Variants in ADCY2 observed in about 807,000 individuals in gnomAD.
ADCY2 encodes the protein adenylate cyclase 2.
In ADCY2, 31 loss-of-function variants were observed where a neutral mutation model predicts 125.2. That is an observed-to-expected ratio of 0.25 (90% confidence interval 0.19 to 0.33). The LOEUF (loss-of-function observed/expected upper bound fraction) is 0.33. Among genes scored for constraint, ADCY2 ranks in the 10% least tolerant of loss-of-function variants. The pLI is 1.00. For synonymous variants in ADCY2, 512 were observed against 548.4 expected (o/e 0.93, Z 0.93); for missense variants, 904 against 1,418.2 (o/e 0.64, Z 5.82).
At chr5:7,754,215 T>C (rs772273563) in intron 15 of ADCY2, among the ~76,000 whole-genome samples, 2 of 152,238 alleles carry the variant, frequency 1.3e-5, no homozygotes, top group Non-Finnish European at 2.9e-5. Context: ...ATGAGCAGAA[T>C]ATAACATATT....
chr5:7,561,232 A>G (rs1182783580), intron 3 of ADCY2, among the ~76,000 whole-genome samples: 1 of 152,162 alleles, frequency 6.6e-6, no homozygotes, highest in African/African-American at 2.4e-5. Flanking sequence ...GAATTGTTTG[A>G]TGGCAGGGAT....
intron 22 of ADCY2, among the ~76,000 whole-genome samples, chr5:7,815,413 C>T (rs1443019164): frequency 4.6e-5 from 7 of 152,166 alleles, no homozygotes; most frequent in Non-Finnish European, 8.8e-5. Context: ...ATTGAAACCC[C>T]GAAGGCCCAG....
chr5:7,580,826 C>T (rs961788664), intron 3 of ADCY2, among the ~76,000 whole-genome samples: 1 of 152,172 alleles, frequency 6.6e-6, no homozygotes. Flanking sequence ...CAAAGATAGC[C>T]AGAGAAAACT....
intron 4 of ADCY2, among the ~76,000 whole-genome samples, chr5:7,674,097 C>G (rs1740034287): frequency 6.6e-6 from 1 of 152,018 alleles, no homozygotes; most frequent in African/African-American, 2.4e-5. Context: ...CGTCAGCTGT[C>G]CCTAGCTTCG....
At chr5:7,751,795 C>G (rs950143875) in intron 15 of ADCY2, among the ~76,000 whole-genome samples, 2 of 152,100 alleles carry the variant, frequency 1.3e-5, no homozygotes, top group Non-Finnish European at 2.9e-5. Flanking sequence ...AAGCTCACCC[C>G]CTAAGTGCCA....
chr5:7,661,813 A>C (rs1739544595), intron 4 of ADCY2, among the ~76,000 whole-genome samples: 1 of 152,240 alleles, frequency 6.6e-6, no homozygotes, highest in African/African-American at 2.4e-5. Flanking sequence ...GAAGATTTTT[A>C]ACTGAATTTA....
chr5:7,412,074 C>CAA (rs35911952), intron 1 of ADCY2, among the ~76,000 whole-genome samples: 22,176 of 137,750 alleles, frequency 0.16, 1,897 homozygotes, highest in Non-Finnish European at 0.21. Context: ...GACTCCGTCT[C>CAA]AAAAAAAAAA....
At chr5:7,474,985 G>A (rs764427930) in intron 2 of ADCY2, among the ~76,000 whole-genome samples, 6 of 152,308 alleles carry the variant, frequency 3.9e-5, no homozygotes, top group Non-Finnish European at 7.4e-5. Context: ...GGCCACAAGC[G>A]TCCAGAGCGC....
intron 23 of ADCY2, among the ~76,000 whole-genome samples, chr5:7,819,478 C>T (rs146666203): frequency 1.4e-4 from 21 of 152,272 alleles, no homozygotes; most frequent in East Asian, 1.4e-3. Context: ...CAGATTCACG[C>T]GAACTGTTGA....
At chr5:7,737,680 T>G (rs890287008) in intron 14 of ADCY2, among the ~76,000 whole-genome samples, 3 of 151,928 alleles carry the variant, frequency 2.0e-5, no homozygotes, top group Non-Finnish European at 4.4e-5. Context: ...AATCCATCAC[T>G]CTCCAAAGGC....
chr5:7,734,275 G>A (rs1354426152), intron 14 of ADCY2, among the ~76,000 whole-genome samples: 4 of 152,124 alleles, frequency 2.6e-5, no homozygotes, highest in Admixed American at 2.6e-4. Flanking sequence ...GAGATAGCTT[G>A]TAATTAATAC....
intron 4 of ADCY2, chr5:7,685,232 T>C (rs1740479666): frequency 6.6e-6 from 1 of 152,318 alleles, no homozygotes; most frequent in South Asian, 2.1e-4. Flanking sequence ...TGCTAGTGGT[T>C]GGGCACTTGG....
chr5:7,587,185 A>C (rs1050202187), intron 3 of ADCY2, among the ~76,000 whole-genome samples: 1 of 152,090 alleles, frequency 6.6e-6, no homozygotes, highest in African/African-American at 2.4e-5. Context: ...CGCAGGACTA[A>C]CTTCAACTCA....
At chr5:7,759,417 AG>A (rs953989303) in intron 16 of ADCY2, among the ~76,000 whole-genome samples, 1 of 152,210 alleles carries the variant, frequency 6.6e-6, no homozygotes, top group Non-Finnish European at 1.5e-5. Flanking sequence ...GGGGCTCACC[AG>A]GCAAGTCCAT....
intron 1 of ADCY2, among the ~76,000 whole-genome samples, chr5:7,413,671 TTACACTGTA>T (rs1193789626): frequency 6.6e-6 from 1 of 150,948 alleles, no homozygotes; most frequent in Admixed American, 6.6e-5. Context: ...ATTAAAGACC[TTACACTGTA>T]TTCTGTTCCA....
chr5:7,677,338 G>A (rs1311287131), intron 4 of ADCY2, among the ~76,000 whole-genome samples: 2 of 152,122 alleles, frequency 1.3e-5, no homozygotes, highest in African/African-American at 4.8e-5. Flanking sequence ...GTTCCACCAA[G>A]CCTTTGGAAC....
Position 7,396,153 on chromosome 5 carries a change from G to T in ADCY2, c.-144G>T, listed in dbSNP as rs1739014878. On this transcript the variant is annotated 5_prime_UTR_variant, in exon 1 of 25. Coordinates refer to ENST00000338316, the MANE Select transcript of ADCY2 (RefSeq NM_020546.3). The surrounding 1 kb of genome is among the most constrained non-coding windows in gnomAD (Gnocchi z 5.7). Reference sequence around the variant, plus strand: ...CGCCCAGCCCGGGGCGCCGAGCTCCGCCCGCGCCGGAGGCCCCTGCGCGCA... The same window carrying T: ...CGCCCAGCCCGGGGCGCCGAGCTCCTCCCGCGCCGGAGGCCCCTGCGCGCA... 1.0e-5 allele frequency: 2 copies of T among 191,114 alleles called. No homozygotes were observed. The highest frequency in any genetic ancestry group is 7.0e-5 in the Admixed American group (1 of 14,312). The allele number at this position is 191,114 out of a possible 1,614,324, so 11.8% of individuals were successfully genotyped here.
At chr5:7,524,323 C>G (rs564729650) in intron 3 of ADCY2, among the ~76,000 whole-genome samples, 5 of 152,242 alleles carry the variant, frequency 3.3e-5, no homozygotes, top group African/African-American at 4.8e-5. Context: ...AGTTGCCAAT[C>G]TGATGCCCCA....
At chr5:7,643,225 CTAAAAATTTTATA>C (rs994009847) in intron 4 of ADCY2, among the ~76,000 whole-genome samples, 4 of 151,852 alleles carry the variant, frequency 2.6e-5, no homozygotes, top group African/African-American at 9.7e-5. Context: ...AATGTCTATT[CTAAAAATTTTATA>C]GGTTAGCATG....
Sources: gnomAD v4.1 joint callset for allele counts (sites outside exome capture counted in the v4.1 genomes callset) on GRCh38, gnomAD v4.1.1 for gene constraint, Gnocchi (gnomAD v3.1) non-coding constraint, MANE v1.5 for transcripts, NCBI Gene and HGNC (gene_info 2026-07-23, HGNC 2026-07-21) for gene names.